WDR72: variants seen among roughly 807,000 people sequenced by gnomAD.
WDR72 encodes the protein WD repeat domain 72, also known as WD repeat-containing protein 72.
Under a neutral mutation model 124.2 loss-of-function variants are expected in WDR72, and 120 were observed. The ratio of observed to expected loss-of-function variants is 0.97; its 90% CI spans 0.83 to 1.12. The LOEUF (loss-of-function observed/expected upper bound fraction) is 1.12, where lower values mean the gene tolerates loss of function less well. Ranked by LOEUF, WDR72 falls within the 50% of genes most tolerant of loss-of-function variation. The pLI, the probability that WDR72 is intolerant of heterozygous loss-of-function variation, is 0.00. For missense variants in WDR72, 1,387 were observed against 1,278.8 expected (o/e 1.08, Z -1.29); for synonymous variants, 452 against 441.7 (o/e 1.02, Z -0.29).
intron 14 of WDR72, among the ~76,000 whole-genome samples, chr15:53,635,336 T>C (rs1282599695): frequency 6.6e-6 from 1 of 152,186 alleles, no homozygotes; most frequent in Non-Finnish European, 1.5e-5. Context: ...TTAGAAAAAC[T>C]CAGCTTATGG....
chr15:53,744,553 C>A (rs749715777), intron 1 of WDR72, among the ~76,000 whole-genome samples: 1 of 152,160 alleles, frequency 6.6e-6, no homozygotes, highest in Admixed American at 6.5e-5. Flanking sequence ...ACTCTAGCAA[C>A]ATTAACTTCC....
intron 18 of WDR72, among the ~76,000 whole-genome samples, chr15:53,543,684 C>A (rs1893282857): frequency 6.6e-6 from 1 of 151,508 alleles, no homozygotes. Flanking sequence ...AAAAACCGTT[C>A]AAAAAATTAA....
chr15:53,721,890 G>GT (rs1567048477), intron 3 of WDR72, among the ~76,000 whole-genome samples: 1 of 152,026 alleles, frequency 6.6e-6, no homozygotes, highest in Non-Finnish European at 1.5e-5. Flanking sequence ...TTTCCTACAG[G>GT]TAAGTCCTAT....
At chr15:53,605,204 C>T (rs781210206) in intron 17 of WDR72, among the ~76,000 whole-genome samples, 4 of 152,080 alleles carry the variant, frequency 2.6e-5, no homozygotes, top group South Asian at 2.1e-4. Context: ...TGGATGGAGT[C>T]GGCGGCCATT....
chr15:53,540,182 C>T (rs1241209455), intron 18 of WDR72, among the ~76,000 whole-genome samples: 1 of 152,156 alleles, frequency 6.6e-6, no homozygotes, highest in Non-Finnish European at 1.5e-5. Flanking sequence ...TAGCACATAT[C>T]TCTGAATATA....
chr15:53,537,706 T>C (rs552648438), intron 18 of WDR72, among the ~76,000 whole-genome samples: 1 of 152,312 alleles, frequency 6.6e-6, no homozygotes, highest in South Asian at 2.1e-4. Context: ...TATTTGTATA[T>C]CTGTCTTTGT....
chr15:53,524,215 G>A (rs575467239), intron 18 of WDR72, among the ~76,000 whole-genome samples: 13 of 152,038 alleles, frequency 8.6e-5, no homozygotes, highest in Non-Finnish European at 1.9e-4. Flanking sequence ...TAAGCCAAAT[G>A]TTCTAAATAT....
At chr15:53,687,883 C>A (rs1479907247) in intron 13 of WDR72, among the ~76,000 whole-genome samples, 81 of 149,384 alleles carry the variant, frequency 5.4e-4, no homozygotes, top group African/African-American at 2.0e-3. Flanking sequence ...TGGGCTTCAT[C>A]CCTGGGATGC....
chr15:53,543,776 A>T (rs1595748119), intron 18 of WDR72, among the ~76,000 whole-genome samples: 1 of 152,312 alleles, frequency 6.6e-6, no homozygotes, highest in East Asian at 1.9e-4. Flanking sequence ...AAGAGAGAAG[A>T]ATCTAATAGA....
At chr15:53,647,355 C>T (rs1023296468) in intron 14 of WDR72, among the ~76,000 whole-genome samples, 2 of 151,916 alleles carry the variant, frequency 1.3e-5, no homozygotes, top group African/African-American at 4.8e-5. Flanking sequence ...CTTTAATAAA[C>T]AATACTAATA....
At chr15:53,586,339 G>A (rs1436592416) in intron 18 of WDR72, among the ~76,000 whole-genome samples, 1 of 151,996 alleles carries the variant, frequency 6.6e-6, no homozygotes, top group African/African-American at 2.4e-5. Context: ...TGGACTTTAA[G>A]GATAACATGT....
chr15:53,523,100 G>T, intron 19 of WDR72, 118 bp downstream of exon 19: 1 of 923,772 alleles, frequency 1.1e-6, no homozygotes. Context: ...TAATTTGACA[G>T]TGCAGCTGCT....
chr15:53,618,780 C>A (rs2013869950), intron 14 of WDR72, among the ~76,000 whole-genome samples: 1 of 151,966 alleles, frequency 6.6e-6, no homozygotes, highest in African/African-American at 2.4e-5. Context: ...GTATCTGAGC[C>A]TCCCCATCTT....
chr15:53,727,429 A>G (rs2018074558), intron 2 of WDR72, among the ~76,000 whole-genome samples: 4 of 152,152 alleles, frequency 2.6e-5, no homozygotes, highest in African/African-American at 9.7e-5. Flanking sequence ...TATCATTTCT[A>G]TCATAATCAG....
chr15:53,638,353 C>T (rs953267773), intron 14 of WDR72, among the ~76,000 whole-genome samples: 3 of 152,158 alleles, frequency 2.0e-5, no homozygotes, highest in African/African-American at 7.2e-5. Flanking sequence ...TCCAATCTAG[C>T]AGGGCTTTCA....
intron 18 of WDR72, chr15:53,540,971 G>T (rs187262153): frequency 1.1e-4 from 17 of 157,030 alleles, no homozygotes; most frequent in Non-Finnish European, 2.1e-4. Flanking sequence ...ATTGTATCCC[G>T]CACCTGGCTC....
chr15:53,603,380 T>C (rs1381074632), intron 17 of WDR72, among the ~76,000 whole-genome samples: 2 of 152,078 alleles, frequency 1.3e-5, no homozygotes, highest in African/African-American at 2.4e-5. Flanking sequence ...GCCAACATCA[T>C]ACTAAATAGG....
chr15:53,588,499 C>T (rs968673997), intron 18 of WDR72, among the ~76,000 whole-genome samples: 8 of 152,006 alleles, frequency 5.3e-5, no homozygotes, highest in African/African-American at 1.9e-4. Flanking sequence ...TCAAATTGTT[C>T]CAAGGCTGAA....
chr15:53,662,352 T>C (rs922270847), intron 14 of WDR72, among the ~76,000 whole-genome samples: 4 of 152,216 alleles, frequency 2.6e-5, no homozygotes, highest in African/African-American at 4.8e-5. Flanking sequence ...TGTTTTTCTC[T>C]TGCAAACTTT....
Sources: allele counts gnomAD v4.1 joint callset (sites outside exome capture counted in the v4.1 genomes callset), GRCh38; gene constraint gnomAD v4.1.1; transcripts MANE v1.5; gene names NCBI Gene and HGNC (gene_info 2026-07-23, HGNC 2026-07-21).